MRTFA: variants seen among roughly 807,000 people sequenced by gnomAD.
The protein encoded by MRTFA is myocardin-related transcription factor A.
Under a neutral mutation model 83.5 loss-of-function variants are expected in MRTFA, and 20 were observed. The ratio of observed to expected loss-of-function variants is 0.24; its 90% confidence interval spans 0.17 to 0.35. MRTFA has a LOEUF of 0.35. Ranked by LOEUF, MRTFA falls within the 10% of genes least tolerant of loss-of-function variation. The pLI, the probability that MRTFA is intolerant of heterozygous loss-of-function variation, is 1.00. For missense variants in MRTFA, 1,200 were observed against 1,224.7 expected, an observed-to-expected ratio of 0.98 and a Z score of 0.30; for synonymous variants, 659 against 541.2, an observed-to-expected ratio of 1.22 and a Z score of -3.02.
chr22:40,585,923 T>C (rs1364191632), intron 2 of MRTFA, among the ~76,000 whole-genome samples: 1 of 152,206 alleles, frequency 6.6e-6, no homozygotes, highest in African/African-American at 2.4e-5. Flanking sequence ...AACATCAACA[T>C]CTTGCAATTA....
intron 3 of MRTFA, among the ~76,000 whole-genome samples, chr22:40,517,967 C>CA (rs1355471652): frequency 6.6e-6 from 1 of 151,946 alleles, no homozygotes; most frequent in Non-Finnish European, 1.5e-5. Context: ...CCATAGAAAC[C>CA]AAAAAGGACA....
intron 1 of MRTFA, among the ~76,000 whole-genome samples, chr22:40,634,505 G>A (rs1178036211): frequency 1.3e-5 from 2 of 152,118 alleles, no homozygotes; most frequent in African/African-American, 4.8e-5. Flanking sequence ...ACATCCACAG[G>A]AAAAGCTCCC....
At chr22:40,529,289 AAG>A (rs572499244) in intron 3 of MRTFA, among the ~76,000 whole-genome samples, 28 of 152,314 alleles carry the variant, frequency 1.8e-4, no homozygotes, top group Admixed American at 1.6e-3. Context: ...TATCAAGGAA[AAG>A]AGAGACTAAA....
chr22:40,513,602 C>CAA (rs111580647), intron 3 of MRTFA, among the ~76,000 whole-genome samples: 51 of 65,888 alleles, frequency 7.7e-4, no homozygotes, highest in African/African-American at 2.3e-3. Context: ...GACTCCATCT[C>CAA]AAAAAAAAAA....
chr22:40,481,531 C>T (rs529256370), intron 3 of MRTFA, among the ~76,000 whole-genome samples: 1 of 152,032 alleles, frequency 6.6e-6, no homozygotes, highest in African/African-American at 2.4e-5. Flanking sequence ...TCAGGGAGTA[C>T]ATTATGTGAA....
At chr22:40,592,266 CAAAAAA>C (rs398037181) in intron 2 of MRTFA, among the ~76,000 whole-genome samples, 12 of 86,284 alleles carry the variant, frequency 1.4e-4, no homozygotes, top group Admixed American at 9.7e-4. Flanking sequence ...TCAGTCTCTA[CAAAAAA>C]AAAAAAAAAA....
chr22:40,448,509 T>A (rs146485332), intron 4 of MRTFA, among the ~76,000 whole-genome samples: 1 of 152,196 alleles, frequency 6.6e-6, no homozygotes. Context: ...AAATGCATGA[T>A]GGGTTACCAA....
At chr22:40,490,718 TC>T (rs1439372415) in intron 3 of MRTFA, among the ~76,000 whole-genome samples, 1 of 152,144 alleles carries the variant, frequency 6.6e-6, no homozygotes, top group Admixed American at 6.6e-5. Context: ...CAGGCTCAAA[TC>T]ATCCTGTTAA....
intron 2 of MRTFA, among the ~76,000 whole-genome samples, chr22:40,577,084 A>G (rs1304126591): frequency 6.6e-6 from 1 of 151,968 alleles, no homozygotes; most frequent in Non-Finnish European, 1.5e-5. Flanking sequence ...TTAGCCAGGC[A>G]TTGTGGTGAG....
At chr22:40,496,080 A>T (rs879511621) in intron 3 of MRTFA, among the ~76,000 whole-genome samples, 23 of 151,456 alleles carry the variant, frequency 1.5e-4, no homozygotes, top group Non-Finnish European at 1.9e-4. Flanking sequence ...AAAAAAAAAT[A>T]AATTAATAAT....
intron 1 of MRTFA, among the ~76,000 whole-genome samples, chr22:40,631,566 C>T (rs2056642381): frequency 6.6e-6 from 1 of 152,080 alleles, no homozygotes; most frequent in Admixed American, 6.6e-5. Flanking sequence ...TTTATGTTAA[C>T]TACTTATGCT....
chr22:40,541,663 TG>T (rs2055292911), intron 3 of MRTFA, among the ~76,000 whole-genome samples: 1 of 152,110 alleles, frequency 6.6e-6, no homozygotes, highest in South Asian at 2.1e-4. Flanking sequence ...TGTGTGTGTG[TG>T]TATTTTCTGT....
intron 1 of MRTFA, among the ~76,000 whole-genome samples, chr22:40,611,263 G>A (rs936376820): frequency 2.0e-5 from 3 of 151,820 alleles, no homozygotes; most frequent in African/African-American, 7.3e-5. Flanking sequence ...ATTTTTAGAG[G>A]TCTTGCTCTG....
intron 1 of MRTFA, among the ~76,000 whole-genome samples, chr22:40,634,557 C>T (rs1395699609): frequency 6.6e-6 from 1 of 152,152 alleles, no homozygotes; most frequent in Non-Finnish European, 1.5e-5. Flanking sequence ...TGTATTTCAG[C>T]GCGTTACAAT....
intron 2 of MRTFA, chr22:40,586,930 C>T (rs1178631790): frequency 1.4e-5 from 6 of 442,350 alleles, no homozygotes; most frequent in Non-Finnish European, 2.8e-5. Flanking sequence ...GCTGGTGCTG[C>T]TGCTGCTGCT....
In MRTFA at chr22:40,586,953, G is replaced by A. The variant is rs562492893; in HGVS notation, c.-22+7721C>T. On this transcript the variant is annotated intron_variant, in intron 2 of 14. Coordinates refer to ENST00000355630, the MANE Select transcript of MRTFA (RefSeq NM_020831.6). Reference sequence around the variant, plus strand: ...TGCTGCTGCTGCTGCCACCGCCGCCGCTGCCTTATCCACCTGGAGTTTGTG... The same window carrying A: ...TGCTGCTGCTGCTGCCACCGCCGCCACTGCCTTATCCACCTGGAGTTTGTG... The A allele has an allele frequency of 8.9e-4, 399 of 447,578 alleles. 1 individual carries two copies. The Middle Eastern group carries it at 0.011, about 13-fold the overall frequency. The allele number at this position is 447,578 out of a possible 1,614,324, so 27.7% of individuals were successfully genotyped here. A position where few individuals can be genotyped will look rare whatever the true frequency, so the allele number is the denominator to read the frequency against.
rs1369810147 is a variant in MRTFA at position 40,500,399 on chromosome 22, T to A, written c.242-37113A>T. On this transcript the variant is annotated intron_variant, in intron 3 of 14. Transcript: ENST00000355630. ...ATTTTTTTTATATTTTTATTTTTTT[T>A]AATTTATTTTTTTATTGATAATTCT... is the stretch of plus-strand genomic sequence containing the variant. 4.7e-5 allele frequency among the ~76,000 whole-genome samples: 7 copies of A among 148,826 alleles called. No individual in the cohort carries two copies. In the South Asian group the frequency reaches 6.3e-4, roughly 13 times the overall value.
chr22:40,530,232 C>T (rs997024699), intron 3 of MRTFA, among the ~76,000 whole-genome samples: 7 of 152,186 alleles, frequency 4.6e-5, no homozygotes, highest in Non-Finnish European at 7.3e-5. Flanking sequence ...GAGTCAGTAC[C>T]ATGCCCCAAT....
chr22:40,623,427 C>T (rs925539905), intron 1 of MRTFA, among the ~76,000 whole-genome samples: 1 of 151,944 alleles, frequency 6.6e-6, no homozygotes, highest in Non-Finnish European at 1.5e-5. Flanking sequence ...CCCACTAACT[C>T]GTCATCTAGC....
Sources: gnomAD v4.1 joint callset for allele counts (sites outside exome capture counted in the v4.1 genomes callset) on GRCh38, gnomAD v4.1.1 for gene constraint, MANE v1.5 for transcripts, NCBI Gene and HGNC (gene_info 2026-07-23, HGNC 2026-07-21) for gene names.